Variants in MAML1 observed in about 807,000 individuals in gnomAD.
MAML1 encodes the protein mastermind-like protein 1.
MAML1 carries 14 observed loss-of-function variants against 77.1 expected under a neutral mutation model. The observed-to-expected ratio is 0.18, with a 90% confidence interval of 0.12 to 0.28. MAML1 has a LOEUF of 0.28. Ranked by LOEUF, MAML1 falls within the 10% of genes least tolerant of loss-of-function variation. The pLI is 1.00. For synonymous variants in MAML1, 516 were observed against 551.9 expected, an observed-to-expected ratio of 0.93 and a Z score of 0.91; for missense variants, 1,217 against 1,327.8, an observed-to-expected ratio of 0.92 and a Z score of 1.30.
intron 3 of MAML1, among the ~76,000 whole-genome samples, chr5:179,770,403 C>T (rs185409770): frequency 1.2e-3 from 179 of 151,998 alleles, no homozygotes; most frequent in Admixed American, 2.4e-3. Flanking sequence ...GCAGAGATCG[C>T]GCCACTGCAC....
intron 1 of MAML1, among the ~76,000 whole-genome samples, chr5:179,736,029 C>T (rs938481888): frequency 1.3e-5 from 2 of 152,064 alleles, no homozygotes; most frequent in African/African-American, 4.8e-5. Context: ...TACTTTAGGT[C>T]GCATCTTTTC....
intron 1 of MAML1, among the ~76,000 whole-genome samples, chr5:179,750,085 T>A (rs995348728): frequency 6.6e-6 from 1 of 152,254 alleles, no homozygotes; most frequent in Non-Finnish European, 1.5e-5. Context: ...TGCTGCCCTC[T>A]CCTTGCACTG....
chr5:179,774,609 T>G lies in MAML1; in HGVS notation c.2783T>G (p.Leu928Trp). The change falls in exon 5 of 5, where the codon TTG (leucine) becomes TGG (tryptophan). Residue 928 changes from leucine to tryptophan, a missense_variant. Leu to Trp is a moderately conservative substitution (Grantham distance 61). This residue lies in a region of MAML1 where 884 missense variants were observed against 949.3 expected (regional missense o/e 0.93). Transcript: ENST00000292599. The stretch of plus-strand genomic sequence containing the variant: ...CCCCCAACAGCCCCTCAGCAGGGCT[T>G]GCCTGGCCTGAGCCCAGCAGGGCCT... ...APPPTAPQQGLPGLSPAGPEL... is the reference protein window; with the variant it reads ...APPPTAPQQGWPGLSPAGPEL... The G allele has an allele frequency of 1.2e-6, 2 of 1,612,152 alleles. No homozygotes were observed. The highest frequency in any genetic ancestry group is 1.7e-6 in the Non-Finnish European group (2 of 1,179,666).
rs1346744501 is a variant in MAML1 at position 179,774,101 on chromosome 5, A to T, written c.2275A>T (p.Met759Leu). The T allele has an allele frequency of 8.1e-6, 13 of 1,613,726 alleles. No individual in the cohort carries two copies. Among genetic ancestry groups the T allele is most frequent in the Non-Finnish European group, 1.1e-5 (13 of 1,180,020 alleles). ...CATGCCTCAGAGCAGCCTCTATGGC[A>T]TGGCTTCTGGCATAACCCAGATAGT... ...QNMPQSSLYG[M>L]ASGITQIVAQ... Residue 759 changes from methionine to leucine, a missense_variant, in exon 5 of 5, where the codon ATG (methionine) becomes TTG (leucine). Physicochemically the swap from Met to Leu is conservative, Grantham distance 15. Coordinates refer to ENST00000292599, the MANE Select transcript of MAML1 (RefSeq NM_014757.5).
In MAML1 at chr5:179,765,387, A is replaced by G. The variant is rs1472192945; in HGVS notation, c.377A>G (p.Gln126Arg). The part of the protein sequence containing the change: ...DSATSPQNGD[Q>R]QNGYGDLFPG... ...GCCACTTCCCCTCAGAATGGCGATC[A>G]ACAGAATGGCTACGGGGACCTCTTT... The change falls in exon 2 of 5, where the codon CAA becomes CGA. Residue 126 changes from glutamine to arginine, a missense_variant. By Grantham distance (43) the Gln-to-Arg change is conservative. Around this residue, in one of 3 missense-constraint regions of MAML1, gnomAD observed 312 missense variants for 331.4 expected, o/e 0.94. Transcript: ENST00000292599. 2 of 1,613,346 alleles carry G rather than the reference A, an allele frequency of 1.2e-6. No individual in the cohort carries two copies. The highest frequency in any genetic ancestry group is 4.5e-5 in the East Asian group (2 of 44,900).
rs1012078002 is a variant in MAML1, at chr5:179,745,140, C to T, written c.315+11713C>T. ...CAGGATGGTCTCGATCTCCTGACCT[C>T]GTGATCCGCCTGCCTCGGCCTCCCA... is the stretch of plus-strand genomic sequence containing the variant. On this transcript the variant is annotated intron_variant, in intron 1 of 4. Transcript: ENST00000292599. Among the ~76,000 whole-genome samples, 4 of 151,824 alleles carry T rather than the reference C, an allele frequency of 2.6e-5. No individual in the cohort carries two copies. In the East Asian group the frequency reaches 7.8e-4, roughly 30 times the overall value.
intron 3 of MAML1, among the ~76,000 whole-genome samples, chr5:179,770,698 T>TG (rs1465525505): frequency 6.6e-6 from 1 of 152,198 alleles, no homozygotes; most frequent in African/African-American, 2.4e-5. Flanking sequence ...GGTAGATACC[T>TG]GGGAGTGGAA....
rs1016303576 is a variant in MAML1 at position 179,775,009 on chromosome 5, T to A, written c.*132T>A. 5 of 1,472,234 alleles carry A rather than the reference T, an allele frequency of 3.4e-6. No homozygotes were observed. The highest frequency in any genetic ancestry group is 4.5e-6 in the Non-Finnish European group (5 of 1,119,972). The allele number at this position is 1,472,234 out of a possible 1,614,324, so 91.2% of individuals were successfully genotyped here. Reference sequence around the variant, plus strand: ...GGGCAGGTAGAGCCCAAGCTCCAGGTGAGGCCTGGCCCTGGGCAGGGTCTG... The same window carrying A: ...GGGCAGGTAGAGCCCAAGCTCCAGGAGAGGCCTGGCCCTGGGCAGGGTCTG... On this transcript the variant is annotated 3_prime_UTR_variant, in exon 5 of 5. Coordinates refer to ENST00000292599, the MANE Select transcript of MAML1 (RefSeq NM_014757.5).
rs532033144 is a variant in MAML1 at position 179,769,388 on chromosome 5, C to T, written c.1971+299C>T. Among the ~76,000 whole-genome samples the T allele has an allele frequency of 6.6e-6, 1 of 152,250 alleles. No homozygotes were observed. The highest frequency in any genetic ancestry group is 1.9e-4 in the East Asian group (1 of 5,188). On this transcript the variant is annotated intron_variant, in intron 3 of 4. Coordinates refer to ENST00000292599, the MANE Select transcript of MAML1 (RefSeq NM_014757.5). This position sits in a 1 kb window ranked among gnomAD's most constrained non-coding sequence, Gnocchi z 4.2. ...TTTCAGGTCAGCAGCTTCCAAGCCACTGAGCTCACGTGTCTGTCATTCCAC... is the reference window on the plus strand; with the variant it reads ...TTTCAGGTCAGCAGCTTCCAAGCCATTGAGCTCACGTGTCTGTCATTCCAC...
Position 179,766,815 on chromosome 5 carries a change from A to C in MAML1, c.1731+74A>C, listed in dbSNP as rs1214158338. On this transcript the variant is annotated intron_variant, in intron 2 of 4. Coordinates refer to ENST00000292599, the MANE Select transcript of MAML1 (RefSeq NM_014757.5). This position sits in a 1 kb window ranked among gnomAD's most constrained non-coding sequence, Gnocchi z 4.0. ...GAGGTTACTCACTACTTTGGATGTTAATTGGATCCGAGGTAGTTGTGGGAA... is the reference window on the plus strand; with the variant it reads ...GAGGTTACTCACTACTTTGGATGTTCATTGGATCCGAGGTAGTTGTGGGAA... 1.6e-6 allele frequency: 2 copies of C among 1,269,612 alleles called. No individual in the cohort carries two copies. Among genetic ancestry groups the C allele is most frequent in the African/African-American group, 3.0e-5 (2 of 66,788 alleles). 78.6% of individuals were successfully genotyped at this position (1,269,612 alleles called of 1,614,324 possible).
chr5:179,771,169 A>G lies in MAML1; in HGVS notation c.1994A>G (p.His665Arg), dbSNP rs1358472810. Residue 665 changes from histidine (H) to arginine (R), a missense_variant, in exon 4 of 5, where the codon CAT becomes CGT. Coordinates refer to ENST00000292599, the MANE Select transcript of MAML1 (RefSeq NM_014757.5). This position sits in a 1 kb window ranked among gnomAD's most constrained non-coding sequence, Gnocchi z 4.7. Reference sequence around the variant, plus strand: ...TAGGAGAAGCAACAGTTTCAGCGCCATCTGACCCGCCCACCACCCCAGTAC... The same window carrying G: ...TAGGAGAAGCAACAGTTTCAGCGCCGTCTGACCCGCCCACCACCCCAGTAC... ...AEQEKQQFQR[H>R]LTRPPPQYQD... 6.2e-7 allele frequency: 1 copy of G among 1,614,008 alleles called. No homozygotes were observed. Among genetic ancestry groups the G allele is most frequent in the Admixed American group, 1.7e-5 (1 of 59,990 alleles).
Position 179,740,512 on chromosome 5 carries a change from G to A in MAML1, c.315+7085G>A, listed in dbSNP as rs529656803. ...AGGATGGTCTCTATCTCCTGACCTC[G>A]TGATCCGCCCATCTCGGCCTCCTAA... On this transcript the variant is annotated intron_variant, in intron 1 of 4. Coordinates refer to ENST00000292599, the MANE Select transcript of MAML1 (RefSeq NM_014757.5). Among the ~76,000 whole-genome samples the A allele has an allele frequency of 3.3e-5, 5 of 152,014 alleles. No homozygotes were observed. In the East Asian group the frequency reaches 7.8e-4, roughly 24 times the overall value.
In MAML1 at chr5:179,773,991, G is replaced by T; in HGVS notation, c.2165G>T (p.Gly722Val). Residue 722 changes from glycine (G) to valine (V), a missense_variant, in exon 5 of 5, where the codon GGC (glycine) becomes GTC (valine). This residue lies in a region of MAML1 where 884 missense variants were observed against 949.3 expected (regional missense o/e 0.93). Coordinates refer to ENST00000292599, the MANE Select transcript of MAML1 (RefSeq NM_014757.5). ...CAGGCTGGGAATCTGATGCCAATGGGCCCTGGACATGCTTCAGTTTCCTCT... is the reference window on the plus strand; with the variant it reads ...CAGGCTGGGAATCTGATGCCAATGGTCCCTGGACATGCTTCAGTTTCCTCT... ...FPQAGNLMPM[G>V]PGHASVSSLP... 1 of 1,614,230 alleles carries T rather than the reference G, an allele frequency of 6.2e-7. No individual in the cohort carries two copies. The highest frequency in any genetic ancestry group is 8.5e-7 in the Non-Finnish European group (1 of 1,180,054).
At chr5:179,773,525 G>C (rs1296168319) in intron 4 of MAML1, among the ~76,000 whole-genome samples, 1 of 152,222 alleles carries the variant, frequency 6.6e-6, no homozygotes, top group Admixed American at 6.5e-5. Flanking sequence ...GCCCCATTGC[G>C]CCCCATCGTG....
At position 179,766,662 on chromosome 5, in the gene MAML1, G is replaced by T. The variant is rs774126395; in HGVS notation, c.1652G>T (p.Ser551Ile). ...AYLPQQLSHI[S>I]HEQNSLFLMK... is the part of the protein sequence containing the mutation. ...CTTCCCCAGCAGCTGTCCCATATAAGTCACGAGCAGAACTCCCTGTTTCTG... is the reference window on the plus strand; with the variant it reads ...CTTCCCCAGCAGCTGTCCCATATAATTCACGAGCAGAACTCCCTGTTTCTG... Residue 551 changes from serine to isoleucine, a missense_variant, in exon 2 of 5, where the codon AGT becomes ATT. By Grantham distance (142) the Ser-to-Ile change is moderately radical. Coordinates refer to ENST00000292599, the MANE Select transcript of MAML1 (RefSeq NM_014757.5). This position sits in a 1 kb window ranked among gnomAD's most constrained non-coding sequence, Gnocchi z 4.0. 8 of 1,607,774 alleles carry T rather than the reference G, an allele frequency of 5.0e-6. No individual in the cohort carries two copies. The African/African-American group carries it at 9.4e-5, about 19-fold the overall frequency.
Position 179,765,690 on chromosome 5 carries a change from T to C in MAML1, c.680T>C (p.Met227Thr). 6.2e-7 allele frequency: 1 copy of C among 1,614,198 alleles called. No homozygotes were observed. Residue 227 changes from methionine to threonine, a missense_variant, in exon 2 of 5, where the codon ATG becomes ACG. Met to Thr is a moderately conservative substitution (Grantham distance 81). This residue lies in a region of MAML1 where 312 missense variants were observed against 331.4 expected (regional missense o/e 0.94). Transcript: ENST00000292599. ...KQEPVEDLPC[M>T]ITGTVGSISQ... Reference sequence around the variant, plus strand: ...GAGCCTGTCGAAGACCTGCCTTGCATGATCACTGGGACTGTCGGCTCCATA... The same window carrying C: ...GAGCCTGTCGAAGACCTGCCTTGCACGATCACTGGGACTGTCGGCTCCATA...
rs745415842 is a variant in MAML1 at position 179,769,198 on chromosome 5, G to A, written c.1971+109G>A. On this transcript the variant is annotated intron_variant, in intron 3 of 4. Transcript: ENST00000292599. This position sits in a 1 kb window ranked among gnomAD's most constrained non-coding sequence, Gnocchi z 4.2. ...TGCGTGTGGATTTGCGCAGACTTGC[G>A]TGCCTGTTGTTAGAGTGCTTTGCCT... 49 of 1,464,746 alleles carry A rather than the reference G, an allele frequency of 3.3e-5. No homozygotes were observed. Among genetic ancestry groups the A allele is most frequent in the African/African-American group, 2.4e-4 (17 of 70,874 alleles). 90.7% of individuals were successfully genotyped at this position (1,464,746 alleles called of 1,614,324 possible). A position where few individuals can be genotyped will look rare whatever the true frequency, so the allele number is the denominator to read the frequency against.
rs1318696879 is a variant in MAML1 at position 179,771,307 on chromosome 5, CT to C, written c.2068+65del. 1 of 1,367,570 alleles carries C rather than the reference CT, an allele frequency of 7.3e-7. No homozygotes were observed. The highest frequency in any genetic ancestry group is 1.4e-5 in the African/African-American group (1 of 70,144). 84.7% of individuals were successfully genotyped at this position (1,367,570 alleles called of 1,614,324 possible). On this transcript the variant is annotated intron_variant, in intron 4 of 4. Coordinates refer to ENST00000292599, the MANE Select transcript of MAML1 (RefSeq NM_014757.5). This position sits in a 1 kb window ranked among gnomAD's most constrained non-coding sequence, Gnocchi z 4.7. ...CCGCTGCCTGGTGCTGGTTGAATCC[CT>C]GCTGTCTGCCCAGCTCTATGCCTTG...
intron 1 of MAML1, among the ~76,000 whole-genome samples, chr5:179,735,931 C>A (rs1370281037): frequency 6.6e-6 from 1 of 152,074 alleles, no homozygotes; most frequent in African/African-American, 2.4e-5. Flanking sequence ...CGTGATCCAC[C>A]CACCTCGGCC....
Sources: allele counts gnomAD v4.1 joint callset (sites outside exome capture counted in the v4.1 genomes callset), GRCh38; gene constraint gnomAD v4.1.1; regional missense constraint gnomAD v4.1.1; non-coding constraint Gnocchi (gnomAD v3.1); transcripts MANE v1.5; gene names NCBI Gene and HGNC (gene_info 2026-07-23, HGNC 2026-07-21).